CLSTN2: variants seen among roughly 807,000 people sequenced by gnomAD.
CLSTN2 encodes calsyntenin 2, also known as calsyntenin-2.
In CLSTN2, 48 loss-of-function variants were observed where a neutral mutation model predicts 101.2. That is an observed-to-expected ratio of 0.47 (90% CI 0.38 to 0.60). CLSTN2 has a LOEUF of 0.60. Ranked by LOEUF, CLSTN2 falls within the 20% of genes least tolerant of loss-of-function variation. The probability of loss-of-function intolerance (pLI) is 0.00; values close to 1 mark genes in which losing one functional copy is unlikely to be tolerated. For synonymous variants in CLSTN2, 481 were observed against 463.6 expected (o/e 1.04, Z -0.48); for missense variants, 1,160 against 1,238.2 (o/e 0.94, Z 0.95).
chr3:140,059,899 G>A (rs1354027422), intron 1 of CLSTN2, among the ~76,000 whole-genome samples: 1 of 152,126 alleles, frequency 6.6e-6, no homozygotes, highest in Non-Finnish European at 1.5e-5. Context: ...AGACATTAAT[G>A]GTTTTGCTTA....
At chr3:140,253,011 C>A (rs1042047777) in intron 2 of CLSTN2, among the ~76,000 whole-genome samples, 1 of 152,136 alleles carries the variant, frequency 6.6e-6, no homozygotes, top group Non-Finnish European at 1.5e-5. Context: ...ACCACGCTAC[C>A]TCACAGTCAG....
intron 2 of CLSTN2, among the ~76,000 whole-genome samples, chr3:140,282,818 C>T (rs565778788): frequency 2.1e-4 from 32 of 152,274 alleles, no homozygotes; most frequent in Non-Finnish European, 8.8e-5. Context: ...TGCTGTTGTA[C>T]AGTATGTGCA....
chr3:140,409,944 G>T (rs1228339354), intron 4 of CLSTN2, among the ~76,000 whole-genome samples: 1 of 151,762 alleles, frequency 6.6e-6, no homozygotes, highest in Non-Finnish European at 1.5e-5. Context: ...ACTCAACCAA[G>T]CAGAAGAAAG....
At chr3:140,361,188 T>C (rs2087726325) in intron 2 of CLSTN2, among the ~76,000 whole-genome samples, 1 of 152,198 alleles carries the variant, frequency 6.6e-6, no homozygotes, top group Non-Finnish European at 1.5e-5. Flanking sequence ...AGAAACCAAA[T>C]ACTGGGTTAA....
intron 1 of CLSTN2, among the ~76,000 whole-genome samples, chr3:140,127,002 C>CACATA (rs1309510718): frequency 1.6e-4 from 24 of 151,796 alleles, no homozygotes; most frequent in Non-Finnish European, 2.2e-4. Flanking sequence ...AAGGTTATCA[C>CACATA]TATGTGTCAT....
chr3:140,552,841 C>T (rs1360542559), intron 10 of CLSTN2, among the ~76,000 whole-genome samples: 1 of 152,202 alleles, frequency 6.6e-6, no homozygotes, highest in Non-Finnish European at 1.5e-5. Flanking sequence ...CAGCACAAGA[C>T]TCTGCTATAG....
chr3:140,293,288 C>T (rs544368656), intron 2 of CLSTN2, among the ~76,000 whole-genome samples: 87 of 152,226 alleles, frequency 5.7e-4, no homozygotes, highest in African/African-American at 1.8e-3. Flanking sequence ...GTGGGCAGCA[C>T]GGAGGGGCAG....
chr3:140,114,374 G>T (rs2009205849), intron 1 of CLSTN2, among the ~76,000 whole-genome samples: 1 of 152,100 alleles, frequency 6.6e-6, no homozygotes, highest in Non-Finnish European at 1.5e-5. Flanking sequence ...CGCTGGCCCT[G>T]CATCTGGCAT....
chr3:140,096,207 T>G (rs1249833226), intron 1 of CLSTN2, among the ~76,000 whole-genome samples: 1 of 152,184 alleles, frequency 6.6e-6, no homozygotes. Context: ...AGTGGTTTCA[T>G]GCTGTCCCCA....
chr3:140,366,018 C>T (rs544581460), intron 2 of CLSTN2, among the ~76,000 whole-genome samples: 1 of 152,294 alleles, frequency 6.6e-6, no homozygotes, highest in South Asian at 2.1e-4. Context: ...CCTCTCCACG[C>T]ACAGCTGCTT....
intron 12 of CLSTN2, among the ~76,000 whole-genome samples, chr3:140,559,656 T>C (rs565931122): frequency 3.9e-5 from 6 of 152,078 alleles, no homozygotes; most frequent in Admixed American, 1.3e-4. Flanking sequence ...GGGGGAAATA[T>C]AAATTTCAGA....
chr3:139,962,338 T>C (rs763106199), intron 1 of CLSTN2, among the ~76,000 whole-genome samples: 8 of 152,146 alleles, frequency 5.3e-5, no homozygotes, highest in Non-Finnish European at 1.0e-4. Context: ...TTTTGACGTA[T>C]GTATATACCC....
chr3:140,518,410 C>T (rs1195289107), intron 8 of CLSTN2, among the ~76,000 whole-genome samples: 1 of 152,168 alleles, frequency 6.6e-6, no homozygotes, highest in Non-Finnish European at 1.5e-5. Context: ...TCTGGCAGCC[C>T]TCCCCAAGAA....
At chr3:140,260,540 G>C (rs961331599) in intron 2 of CLSTN2, among the ~76,000 whole-genome samples, 1 of 150,910 alleles carries the variant, frequency 6.6e-6, no homozygotes, top group Non-Finnish European at 1.5e-5. Context: ...CATTGATTTA[G>C]ACTTTAGAAC....
intron 1 of CLSTN2, among the ~76,000 whole-genome samples, chr3:140,068,512 C>T (rs1187158540): frequency 6.6e-6 from 1 of 152,192 alleles, no homozygotes; most frequent in Non-Finnish European, 1.5e-5. Flanking sequence ...ATTTGAGATG[C>T]ATTCAATAGC....
chr3:140,056,057 G>A (rs1365816432), intron 1 of CLSTN2, among the ~76,000 whole-genome samples: 5 of 152,184 alleles, frequency 3.3e-5, no homozygotes, highest in Non-Finnish European at 1.5e-5. Flanking sequence ...GGATGGGAGA[G>A]GGGGCCTACT....
At chr3:140,156,601 T>A (rs2009957710) in intron 1 of CLSTN2, among the ~76,000 whole-genome samples, 1 of 152,140 alleles carries the variant, frequency 6.6e-6, no homozygotes, top group Admixed American at 6.5e-5. Flanking sequence ...CATCCATGGG[T>A]TGTCTGAGCC....
chr3:140,103,578 A>T (rs2009003961), intron 1 of CLSTN2, among the ~76,000 whole-genome samples: 1 of 152,206 alleles, frequency 6.6e-6, no homozygotes, highest in Non-Finnish European at 1.5e-5. Context: ...CCTTTTGAAG[A>T]AAATATTTTA....
intron 2 of CLSTN2, among the ~76,000 whole-genome samples, chr3:140,282,485 G>C (rs1403527935): frequency 1.3e-5 from 2 of 152,224 alleles, no homozygotes; most frequent in Non-Finnish European, 2.9e-5. Context: ...TGGTGAGGCA[G>C]AGCTTCAGAT....
Sources: gnomAD v4.1 joint callset for allele counts (sites outside exome capture counted in the v4.1 genomes callset) on GRCh38, gnomAD v4.1.1 for gene constraint, MANE v1.5 for transcripts, NCBI Gene and HGNC (gene_info 2026-07-23, HGNC 2026-07-21) for gene names.